The following LIPC variants were observed in gnomAD, a reference collection of about 807,000 sequenced individuals.
LIPC encodes hepatic triacylglycerol lipase.
In LIPC, 44 loss-of-function variants were observed where a neutral mutation model predicts 50.7. The observed-to-expected ratio is 0.87, with a 90% CI of 0.68 to 1.11. LIPC has a LOEUF of 1.11. LIPC is among the 50% of genes most tolerant of loss of function. The pLI is 0.00. For missense variants in LIPC, 697 were observed against 648.2 expected, an observed-to-expected ratio of 1.08 and a Z score of -0.82; for synonymous variants, 271 against 256.4, an observed-to-expected ratio of 1.06 and a Z score of -0.54.
chr15:58,559,688 G>A (rs1894085327), intron 6 of LIPC, among the ~76,000 whole-genome samples: 1 of 132,998 alleles, frequency 7.5e-6, no homozygotes, highest in African/African-American at 2.9e-5. Context: ...CAGTGACAGA[G>A]AGAGACCCTG....
intron 6 of LIPC, among the ~76,000 whole-genome samples, chr15:58,548,978 A>G (rs1220470016): frequency 2.6e-5 from 4 of 152,196 alleles, no homozygotes; most frequent in African/African-American, 9.6e-5. Context: ...CCATGAAAAA[A>G]CTGGATTCTA....
intron 7 of LIPC, among the ~76,000 whole-genome samples, chr15:58,561,337 G>T (rs1048160531): frequency 1.1e-4 from 17 of 152,176 alleles, no homozygotes; most frequent in African/African-American, 4.1e-4. Flanking sequence ...GAGGTGCAGG[G>T]GAGCTTCCAA....
At chr15:58,563,324 C>T (rs146650136) in intron 7 of LIPC, among the ~76,000 whole-genome samples, 181 bp from the exon 8 acceptor site, 5 of 152,272 alleles carry the variant, frequency 3.3e-5, no homozygotes, top group African/African-American at 1.2e-4. Context: ...ATCTGGAAAT[C>T]CCTTTTTTAT....
At chr15:58,468,111 TG>T (rs1389268326) in intron 1 of LIPC, among the ~76,000 whole-genome samples, 1 of 152,168 alleles carries the variant, frequency 6.6e-6, no homozygotes, top group Admixed American at 6.5e-5. Flanking sequence ...ACTCAATGCT[TG>T]GGGAAAGGCA....
intron 1 of LIPC, among the ~76,000 whole-genome samples, chr15:58,457,413 A>G (rs186827861): frequency 2.0e-5 from 3 of 152,280 alleles, no homozygotes; most frequent in East Asian, 3.9e-4. Context: ...CCCGGCAGAC[A>G]TGACGTATTC....
At chr15:58,538,254 GA>G (rs1893202320) in intron 1 of LIPC, 78 bp from the exon 2 acceptor site, 2 of 1,391,884 alleles carry the variant, frequency 1.4e-6, no homozygotes, top group Non-Finnish European at 1.0e-6. Context: ...TGTGCTTGTA[GA>G]AGCAGCCTTT....
intron 1 of LIPC, among the ~76,000 whole-genome samples, chr15:58,483,567 A>G (rs1891263748): frequency 6.6e-6 from 1 of 152,170 alleles, no homozygotes; most frequent in African/African-American, 2.4e-5. Flanking sequence ...TTATCTTGCC[A>G]TATCACCATC....
chr15:58,561,032 C>G, intron 7 of LIPC, 51 bp downstream of exon 7: 1 of 907,786 alleles, frequency 1.1e-6, no homozygotes, highest in East Asian at 2.4e-5. Context: ...ATTTTTCTTG[C>G]AGAACATAAA....
intron 1 of LIPC, among the ~76,000 whole-genome samples, chr15:58,498,313 C>A (rs916134123): frequency 6.6e-5 from 10 of 152,138 alleles, no homozygotes; most frequent in African/African-American, 2.4e-4. Flanking sequence ...GCGGGACTTA[C>A]AATCTGCATT....
At position 58,545,711 on chromosome 15, in the gene LIPC, T is replaced by C. The variant is rs2414592; in HGVS notation, c.575-31T>C. The C allele has an allele frequency of 0.99, 1,568,498 of 1,587,972 alleles. 776,426 individuals are homozygous for C. Among genetic ancestry groups the C allele is most frequent in the East Asian group, 1 (44,679 of 44,682 alleles). On this transcript the variant is annotated intron_variant, in intron 4 of 8. Transcript: ENST00000299022. ...ATCTCTCTTCCCCTCTCCTTGCTCC[T>C]GCGTAACCCTTACCCCTGCTTTCCC... is the stretch of plus-strand genomic sequence containing the variant.
intron 1 of LIPC, among the ~76,000 whole-genome samples, chr15:58,491,561 G>A (rs1305002388): frequency 2.0e-5 from 3 of 152,198 alleles, no homozygotes; most frequent in Non-Finnish European, 2.9e-5. Context: ...ATACCCCAGA[G>A]ACCAAATTCC....
intron 1 of LIPC, among the ~76,000 whole-genome samples, chr15:58,531,123 G>C (rs1892947317): frequency 6.6e-6 from 1 of 152,160 alleles, no homozygotes; most frequent in Admixed American, 6.5e-5. Context: ...AATCTATGAG[G>C]AGTTCTACCC....
At chr15:58,514,804 A>G (rs936469929) in intron 1 of LIPC, among the ~76,000 whole-genome samples, 1 of 152,242 alleles carries the variant, frequency 6.6e-6, no homozygotes, top group Non-Finnish European at 1.5e-5. Flanking sequence ...AGCCTGGACG[A>G]CAGAGTGACA....
chr15:58,549,138 T>C (rs986031336), intron 6 of LIPC, among the ~76,000 whole-genome samples: 19 of 152,324 alleles, frequency 1.2e-4, no homozygotes, highest in African/African-American at 4.1e-4. Context: ...AGCAGCTCTC[T>C]GGATTGAATG....
At position 58,432,037 on chromosome 15, in the gene LIPC, A is replaced by T. The variant is rs756402865; in HGVS notation, c.5A>T (p.Asp2Val). The T allele has an allele frequency of 1.3e-5, 21 of 1,613,216 alleles. 1 individual carries two copies. The highest frequency in any genetic ancestry group is 1.6e-4 in the Middle Eastern group (1 of 6,078). ...GACCCCGGGTGAAACGGAGAAATGG[A>T]CACAAGTCCCCTGTGTTTCTCCATT... MDTSPLCFSILL... is the reference protein window; with the variant it reads MVTSPLCFSILL... Residue 2 changes from aspartate to valine, a missense_variant, in exon 1 of 9, where the codon GAC becomes GTC. Coordinates refer to ENST00000299022, the MANE Select transcript of LIPC (RefSeq NM_000236.3).
intron 1 of LIPC, among the ~76,000 whole-genome samples, chr15:58,491,541 C>G (rs576130695): frequency 6.6e-6 from 1 of 152,210 alleles, no homozygotes; most frequent in Non-Finnish European, 1.5e-5. Flanking sequence ...TCCTTCCCCA[C>G]CTCAGTTTCA....
At position 58,560,945 on chromosome 15, in the gene LIPC, G is replaced by A; in HGVS notation, c.1133G>A (p.Gly378Glu). 3 of 1,569,530 alleles carry A rather than the reference G, an allele frequency of 1.9e-6. No homozygotes were observed. Among genetic ancestry groups the A allele is most frequent in the Admixed American group, 1.7e-5 (1 of 59,938 alleles). Residue 378 changes from glycine to glutamate, a missense_variant, in exon 7 of 9, where the codon GGA becomes GAA. Gly to Glu is a moderately conservative substitution (Grantham distance 98). Coordinates refer to ENST00000299022, the MANE Select transcript of LIPC (RefSeq NM_000236.3). ...IQTTFTMSLLGTKEKMQKIPI... is the reference protein window; with the variant it reads ...IQTTFTMSLLETKEKMQKIPI... ...ACAACTTTTACCATGTCACTACTCG[G>A]AACAAAAGAGAAAATGCAGAAAATT...
chr15:58,466,754 C>G (rs1374128325), intron 1 of LIPC, among the ~76,000 whole-genome samples: 3 of 152,240 alleles, frequency 2.0e-5, no homozygotes, highest in Non-Finnish European at 2.9e-5. Flanking sequence ...GACCTTCCAG[C>G]ATCTCAGTCA....
intron 7 of LIPC, among the ~76,000 whole-genome samples, chr15:58,561,595 G>A (rs1894164757): frequency 6.6e-6 from 1 of 152,206 alleles, no homozygotes; most frequent in South Asian, 2.1e-4. Flanking sequence ...TCTGGATAGG[G>A]AAGGGAATTC....
Sources: gnomAD v4.1 joint callset for allele counts (sites outside exome capture counted in the v4.1 genomes callset) on GRCh38, gnomAD v4.1.1 for gene constraint, MANE v1.5 for transcripts, NCBI Gene and HGNC (gene_info 2026-07-23, HGNC 2026-07-21) for gene names.